The following MACROD2 variants were observed in gnomAD, a reference collection of about 807,000 sequenced individuals.
MACROD2 encodes the protein mono-ADP ribosylhydrolase 2.
Under a neutral mutation model 70.4 loss-of-function variants are expected in MACROD2, and 36 were observed. That is an observed-to-expected ratio of 0.51 (90% CI 0.39 to 0.68). MACROD2 has a LOEUF of 0.68. Among genes scored for constraint, MACROD2 ranks in the 30% least tolerant of loss-of-function variants. The pLI is 0.00. For synonymous variants in MACROD2, 172 were observed against 178.8 expected (o/e 0.96, Z 0.30); for missense variants, 496 against 538.4 (o/e 0.92, Z 0.78).
At chr20:15,140,307 A>C (rs1473946479) in intron 5 of MACROD2, among the ~76,000 whole-genome samples, 1 of 149,076 alleles carries the variant, frequency 6.7e-6, no homozygotes, top group Non-Finnish European at 1.5e-5. Flanking sequence ...CAACGGAGAG[A>C]GCCATGGGGA....
intron 5 of MACROD2, among the ~76,000 whole-genome samples, chr20:14,797,896 A>C (rs2072529963): frequency 6.6e-6 from 1 of 151,994 alleles, no homozygotes; most frequent in Non-Finnish European, 1.5e-5. Context: ...AATGGTGTCG[A>C]GAGGACTGCG....
intron 3 of MACROD2, among the ~76,000 whole-genome samples, chr20:14,471,504 TA>T (rs1202428969): frequency 2.0e-5 from 3 of 152,170 alleles, no homozygotes; most frequent in Admixed American, 6.5e-5. Context: ...AGAGGGTTCC[TA>T]GGGGCATTAT....
chr20:15,159,476 A>G (rs2076332625), intron 5 of MACROD2, among the ~76,000 whole-genome samples: 1 of 152,124 alleles, frequency 6.6e-6, no homozygotes, highest in South Asian at 2.1e-4. Flanking sequence ...TGATTGAAAT[A>G]TACTCTTTGA....
chr20:14,363,626 C>T (rs1251176162), intron 3 of MACROD2, among the ~76,000 whole-genome samples: 1 of 151,526 alleles, frequency 6.6e-6, no homozygotes, highest in African/African-American at 2.4e-5. Context: ...CGAGACCATC[C>T]TGGCTAACAC....
intron 7 of MACROD2, among the ~76,000 whole-genome samples, chr20:15,494,857 G>T (rs183144157): frequency 6.6e-6 from 1 of 151,460 alleles, no homozygotes; most frequent in African/African-American, 2.4e-5. Context: ...TTTATTTATC[G>T]TATAAGTCAA....
rs569083023 is a variant in MACROD2 at position 14,544,235 on chromosome 20, T to C, written c.301+50727T>C. 3.8e-3 allele frequency among the ~76,000 whole-genome samples: 575 copies of C among 152,142 alleles called. 4 individuals are homozygous for C. The highest frequency in any genetic ancestry group is 0.015 in the South Asian group (74 of 4,828). ...CTGAAATAAAAATGATTCCTTCTTT[T>C]TTTTTTTTTTAGAAAATAGGGTAGG... On this transcript the variant is annotated intron_variant, in intron 4 of 17. Coordinates refer to ENST00000684519, the MANE Select transcript of MACROD2 (RefSeq NM_001351661.2).
chr20:15,352,763 G>A (rs549940727), intron 6 of MACROD2, among the ~76,000 whole-genome samples: 1 of 152,170 alleles, frequency 6.6e-6, no homozygotes, highest in African/African-American at 2.4e-5. Flanking sequence ...TTGCTTCAAA[G>A]AGAATAAAAT....
At chr20:15,928,940 G>A (rs1226734503) in intron 10 of MACROD2, among the ~76,000 whole-genome samples, 1 of 152,130 alleles carries the variant, frequency 6.6e-6, no homozygotes, top group African/African-American at 2.4e-5. Context: ...TTTTATAAAA[G>A]AGTGCTAATT....
chr20:15,993,306 G>A (rs977280425), intron 15 of MACROD2, among the ~76,000 whole-genome samples: 2 of 151,060 alleles, frequency 1.3e-5, no homozygotes, highest in African/African-American at 4.9e-5. Context: ...TGACATTTTA[G>A]TCAACAACAG....
intron 8 of MACROD2, among the ~76,000 whole-genome samples, chr20:15,672,538 C>T (rs2049995330): frequency 6.6e-6 from 1 of 152,092 alleles, no homozygotes; most frequent in South Asian, 2.1e-4. Flanking sequence ...ACCCTTGCTC[C>T]CATTCTCACT....
intron 8 of MACROD2, among the ~76,000 whole-genome samples, chr20:15,619,291 T>C (rs1456613185): frequency 1.3e-5 from 2 of 152,228 alleles, no homozygotes; most frequent in Non-Finnish European, 2.9e-5. Context: ...AACTATCAAC[T>C]ATAAACTACG....
At chr20:15,286,375 A>G (rs1006358148) in intron 6 of MACROD2, among the ~76,000 whole-genome samples, 3 of 152,076 alleles carry the variant, frequency 2.0e-5, no homozygotes, top group African/African-American at 7.2e-5. Flanking sequence ...AACTAACAAC[A>G]TGATTCTCCA....
intron 8 of MACROD2, among the ~76,000 whole-genome samples, chr20:15,579,579 T>A (rs1272245050): frequency 6.6e-6 from 1 of 152,200 alleles, no homozygotes; most frequent in Non-Finnish European, 1.5e-5. Context: ...TTTGTGGAAT[T>A]TCCTTTGTGG....
Position 16,050,605 on chromosome 20 carries a change from C to T in MACROD2, c.*729C>T, listed in dbSNP as rs73898361. On this transcript the variant is annotated 3_prime_UTR_variant, in exon 18 of 18. Transcript: ENST00000684519. ...TCTTTGACACTGACTTTCAGCAGAG[C>T]TTACTTGGTTCATGAGGTCTTCACA... 77 of 152,336 alleles carry T rather than the reference C, an allele frequency of 5.1e-4. No homozygotes were observed. The highest frequency in any genetic ancestry group is 1.8e-3 in the African/African-American group (75 of 41,550). 9.4% of individuals were successfully genotyped at this position (152,336 alleles called of 1,614,324 possible).
intron 2 of MACROD2, among the ~76,000 whole-genome samples, chr20:14,083,456 A>T (rs1601200974): frequency 6.6e-6 from 1 of 152,024 alleles, no homozygotes; most frequent in South Asian, 2.1e-4. Flanking sequence ...TTTGTTGATC[A>T]CTTACTATGA....
intron 8 of MACROD2, among the ~76,000 whole-genome samples, chr20:15,739,429 C>T (rs1006100853): frequency 6.6e-6 from 1 of 152,038 alleles, no homozygotes; most frequent in African/African-American, 2.4e-5. Flanking sequence ...CAGACTCAGG[C>T]CACATTTAAA....
chr20:14,930,823 TTTTAAGTAATTTTTTTTTAATTATGGC>T, intron 5 of MACROD2, among the ~76,000 whole-genome samples: 1 of 148,652 alleles, frequency 6.7e-6, no homozygotes, highest in East Asian at 2.0e-4. Context: ...TTCATTCATT[TTTTAAGTAATTTTTTTTTAATTATGGC>T]AATTTTTTTA....
intron 4 of MACROD2, among the ~76,000 whole-genome samples, chr20:14,620,664 C>G (rs1466725494): frequency 6.6e-6 from 1 of 151,866 alleles, no homozygotes; most frequent in East Asian, 1.9e-4. Context: ...AAGGAGCTGT[C>G]TATATTAATT....
intron 15 of MACROD2, among the ~76,000 whole-genome samples, chr20:15,990,397 A>G (rs1369445911): frequency 1.3e-5 from 2 of 152,186 alleles, no homozygotes; most frequent in African/African-American, 4.8e-5. Flanking sequence ...AATCTTAACT[A>G]TATCAACATC....
Sources: gnomAD v4.1 joint callset for allele counts (sites outside exome capture counted in the v4.1 genomes callset) on GRCh38, gnomAD v4.1.1 for gene constraint, MANE v1.5 for transcripts, NCBI Gene and HGNC (gene_info 2026-07-23, HGNC 2026-07-21) for gene names.